The following SLC17A1 variants were observed in gnomAD, a reference collection of about 807,000 sequenced individuals.
SLC17A1 encodes the protein solute carrier family 17 member 1, also known as sodium-dependent phosphate transport protein 1.
SLC17A1 carries 51 observed loss-of-function variants against 53.5 expected under a neutral mutation model. The ratio of observed to expected loss-of-function variants is 0.95; its 90% CI spans 0.76 to 1.20. The LOEUF is 1.20. Among genes scored for constraint, SLC17A1 ranks in the 50% most tolerant of loss-of-function variants. SLC17A1 has a pLI of 0.00. For synonymous variants in SLC17A1, 179 were observed against 198.8 expected, an observed-to-expected ratio of 0.90 and a Z score of 0.84; for missense variants, 538 against 568.2, an observed-to-expected ratio of 0.95 and a Z score of 0.54.
chr6:25,777,961 T>C (rs779156525), downstream of SLC17A1: 8 of 1,613,130 alleles, frequency 5.0e-6, no homozygotes, highest in East Asian at 1.6e-4. Flanking sequence ...TTGCAAGTCT[T>C]TGCACACATA....
At chr6:25,731,125 GAT>G in the SLC17A1 span, among the ~76,000 whole-genome samples, 1 of 152,198 alleles carries the variant, frequency 6.6e-6, no homozygotes, top group Non-Finnish European at 1.5e-5. Flanking sequence ...TAAGAACTGT[GAT>G]ATTGAGTAAG....
At chr6:25,724,287 G>A in the SLC17A1 span, among the ~76,000 whole-genome samples, 1 of 152,146 alleles carries the variant, frequency 6.6e-6, no homozygotes, top group African/African-American at 2.4e-5. Flanking sequence ...AGCTGGGCGT[G>A]GGGCAGGCGC....
At chr6:25,798,945 T>G (rs1763669973) in intron 11 of SLC17A1, 26 bp from the exon 12 acceptor site, 1 of 1,525,500 alleles carries the variant, frequency 6.6e-7, no homozygotes, top group African/African-American at 1.4e-5. Context: ...TCAAAGTAAT[T>G]GTAAATTATT....
intron 12 of SLC17A1, among the ~76,000 whole-genome samples, chr6:25,793,329 G>A (rs377564256): frequency 5.3e-5 from 8 of 152,060 alleles, no homozygotes; most frequent in East Asian, 3.9e-4. Flanking sequence ...ACTTTTATAG[G>A]TGCTGGGATA....
chr6:25,792,352 A>C lies in SLC17A1; in HGVS notation c.*2+6431T>G, dbSNP rs184294752. 1.6e-4 allele frequency among the ~76,000 whole-genome samples: 25 copies of C among 152,322 alleles called. 1 individual carries two copies. Among genetic ancestry groups the C allele is most frequent in the Middle Eastern group, 3.4e-3 (1 of 294 alleles). On this transcript the variant is annotated intron_variant, in intron 12 of 12. Transcript: ENST00000244527. Reference sequence around the variant, plus strand: ...TGATTAAAAACCTAGGTGGGGCTTCACACGGTGGCTCACGCCTGTAATCCC... The same window carrying C: ...TGATTAAAAACCTAGGTGGGGCTTCCCACGGTGGCTCACGCCTGTAATCCC...
intron 3 of SLC17A1, among the ~76,000 whole-genome samples, chr6:25,821,574 T>G (rs575048430): frequency 6.6e-6 from 1 of 152,344 alleles, no homozygotes; most frequent in East Asian, 1.9e-4. Context: ...AGCAGGCATT[T>G]GTTCTACTCT....
chr6:25,830,873 T>C (rs1443227459), intron 1 of SLC17A1, among the ~76,000 whole-genome samples: 1 of 152,178 alleles, frequency 6.6e-6, no homozygotes, highest in Non-Finnish European at 1.5e-5. Context: ...TCCGTGATAA[T>C]ATTCCTCCAA....
chr6:25,801,045 A>G (rs1283389357), intron 10 of SLC17A1, 65 bp from the exon 11 acceptor site: 3 of 858,124 alleles, frequency 3.5e-6, no homozygotes, highest in Non-Finnish European at 5.9e-6. Context: ...TGCAAACCTA[A>G]TCAAATGAAA....
chr6:25,775,729 A>C, the SLC17A1 span, among the ~76,000 whole-genome samples: 6 of 152,184 alleles, frequency 3.9e-5, no homozygotes, highest in Non-Finnish European at 7.4e-5. Flanking sequence ...TGGCTGGCCT[A>C]AATTTCCTAT....
In SLC17A1 at chr6:25,810,257, C is replaced by T. The variant is rs1203783023; in HGVS notation, c.1178+1141G>A. ...CACACGCAATGAAAGCAAAGACAGACAAATGGGATTATATCAAACTAAACA... is the reference window on the plus strand; with the variant it reads ...CACACGCAATGAAAGCAAAGACAGATAAATGGGATTATATCAAACTAAACA... On this transcript the variant is annotated intron_variant, in intron 10 of 12. Transcript: ENST00000244527. 2.0e-5 allele frequency among the ~76,000 whole-genome samples: 3 copies of T among 152,052 alleles called. No homozygotes were observed. The East Asian group carries it at 5.8e-4, about 29-fold the overall frequency.
intron 12 of SLC17A1, among the ~76,000 whole-genome samples, chr6:25,791,333 A>G (rs1763496330): frequency 6.6e-6 from 1 of 152,208 alleles, no homozygotes; most frequent in South Asian, 2.1e-4. Context: ...CAAAAGTGAA[A>G]ATGATGTTTT....
At chr6:25,770,405 T>C in the SLC17A1 span, 1 of 1,614,108 alleles carries the variant, frequency 6.2e-7, no homozygotes, top group African/African-American at 1.3e-5. Context: ...AACTGGTCAG[T>C]ATTCAATTTG....
Position 25,819,165 on chromosome 6 carries a change from G to C in SLC17A1, c.530-11C>G, listed in dbSNP as rs774928922. Reference sequence around the variant, plus strand: ...GTCCCAGCAAAAACCCTAATCAGTAGGTACAAAGAACACCCCTAATTAATG... The same window carrying C: ...GTCCCAGCAAAAACCCTAATCAGTACGTACAAAGAACACCCCTAATTAATG... On this transcript the variant is annotated splice_polypyrimidine_tract_variant and intron_variant, in intron 5 of 12. Transcript: ENST00000244527. The C allele has an allele frequency of 6.3e-7, 1 of 1,579,104 alleles. No homozygotes were observed. Among genetic ancestry groups the C allele is most frequent in the African/African-American group, 1.4e-5 (1 of 73,466 alleles).
chr6:25,726,318 C>G, the SLC17A1 span: 1 of 1,614,098 alleles, frequency 6.2e-7, no homozygotes, highest in East Asian at 2.2e-5. Context: ...TATCGCGAGA[C>G]GCATTGCCTG....
At chr6:25,761,998 G>GT in the SLC17A1 span, 841 of 1,613,280 alleles carry the variant, frequency 5.2e-4, 2 homozygotes, top group Middle Eastern at 2.3e-3. Context: ...CTACAGTGGG[G>GT]GACATTTCCA....
the SLC17A1 span, among the ~76,000 whole-genome samples, chr6:25,764,688 G>T: frequency 6.6e-6 from 1 of 152,290 alleles, no homozygotes; most frequent in Non-Finnish European, 1.5e-5. Flanking sequence ...GTGTCCAGAA[G>T]CTGGGCAGAC....
rs201750049 is a variant in SLC17A1, at chr6:25,798,914, C to T, written c.1275G>A (p.Pro425=). 1.5e-5 allele frequency: 23 copies of T among 1,570,810 alleles called. No homozygotes were observed. Among genetic ancestry groups the T allele is most frequent in the East Asian group, 1.1e-4 (5 of 44,168 alleles). Residue 425 remains proline, a synonymous_variant, in exon 12 of 13, where the codon CCG becomes CCA. Coordinates refer to ENST00000244527, the MANE Select transcript of SLC17A1 (RefSeq NM_005074.5). ...TGAAGGTTTTAAACCAGGCGGATTC[C>T]GGATCCTAAGGAATTAAAATTCAAA... is the stretch of plus-strand genomic sequence containing the variant. ...TLTGLILKQD[P]ESAWFKTFIL...
At chr6:25,815,833 T>G (rs1021421836) in intron 6 of SLC17A1, among the ~76,000 whole-genome samples, 3 of 152,010 alleles carry the variant, frequency 2.0e-5, no homozygotes, top group African/African-American at 7.3e-5. Flanking sequence ...CTACCTCAAC[T>G]GTGCAGTAGA....
chr6:25,769,082 T>G, the SLC17A1 span: 1 of 1,613,942 alleles, frequency 6.2e-7, no homozygotes, highest in Non-Finnish European at 8.5e-7. Flanking sequence ...CCATCCCAGC[T>G]ATGGTGAACA....
Sources: gnomAD v4.1 joint callset for allele counts (sites outside exome capture counted in the v4.1 genomes callset) on GRCh38, gnomAD v4.1.1 for gene constraint, MANE v1.5 for transcripts, NCBI Gene and HGNC (gene_info 2026-07-23, HGNC 2026-07-21) for gene names.